Variants in NEK1 observed in about 807,000 individuals in gnomAD.
NEK1 encodes NIMA related kinase 1.
A neutral mutation model predicts 182.1 loss-of-function variants in NEK1; 137 were observed. That is an observed-to-expected ratio of 0.75 (90% CI 0.65 to 0.87). NEK1 has a LOEUF of 0.87. Among genes scored for constraint, NEK1 ranks in the 40% least tolerant of loss-of-function variants. NEK1 has a pLI of 0.00. For missense variants in NEK1, 1,391 were observed against 1,494.4 expected, an observed-to-expected ratio of 0.93 and a Z score of 1.14; for synonymous variants, 513 against 492.2, an observed-to-expected ratio of 1.04 and a Z score of -0.56.
intron 31 of NEK1, among the ~76,000 whole-genome samples, chr4:169,410,716 A>G (rs1733526450): frequency 6.6e-6 from 1 of 152,224 alleles, no homozygotes; most frequent in South Asian, 2.1e-4. Context: ...AAATCAAAAG[A>G]CATCTAAGGT....
intron 23 of NEK1, among the ~76,000 whole-genome samples, chr4:169,502,539 C>T (rs1466184941): frequency 6.6e-6 from 1 of 151,966 alleles, no homozygotes; most frequent in Non-Finnish European, 1.5e-5. Context: ...TTTGTATGAT[C>T]AAGTGAGCCT....
At chr4:169,509,596 G>A (rs985334822) in intron 19 of NEK1, among the ~76,000 whole-genome samples, 4 of 151,916 alleles carry the variant, frequency 2.6e-5, no homozygotes, top group African/African-American at 9.7e-5. Flanking sequence ...CATTATGACT[G>A]AAAATTTTCT....
intron 28 of NEK1, among the ~76,000 whole-genome samples, chr4:169,435,771 G>A (rs1310844243): frequency 6.6e-6 from 1 of 152,148 alleles, no homozygotes; most frequent in African/African-American, 2.4e-5. Flanking sequence ...GCCAGGCATG[G>A]GAGTGACGTC....
At chr4:169,565,980 A>C (rs936461123) in intron 12 of NEK1, among the ~76,000 whole-genome samples, 1 of 152,174 alleles carries the variant, frequency 6.6e-6, no homozygotes, top group African/African-American at 2.4e-5. Flanking sequence ...CAATAAAGCT[A>C]TTTTTTAGAA....
At chr4:169,396,871 T>G (rs1346482249) in intron 35 of NEK1, among the ~76,000 whole-genome samples, 2 of 152,172 alleles carry the variant, frequency 1.3e-5, no homozygotes, top group Admixed American at 6.5e-5. Context: ...AAGTACCATA[T>G]GTAGATGACA....
intron 33 of NEK1, 55 bp from the exon 34 acceptor site, chr4:169,400,706 C>A: frequency 1.6e-6 from 2 of 1,263,014 alleles, no homozygotes; most frequent in Admixed American, 2.7e-5. Context: ...ATAACTCATA[C>A]CCTAATAGAC....
intron 17 of NEK1, 40 bp downstream of exon 17, chr4:169,555,892 G>A (rs1004060796): frequency 3.1e-6 from 5 of 1,613,350 alleles, no homozygotes; most frequent in Non-Finnish European, 4.2e-6. Context: ...TACTATCTCA[G>A]AAGCAAAGCA....
intron 16 of NEK1, 52 bp from the exon 17 acceptor site, chr4:169,556,147 GC>G: frequency 6.6e-7 from 1 of 1,512,564 alleles, no homozygotes; most frequent in Non-Finnish European, 8.9e-7. Flanking sequence ...GGCCTAACAG[GC>G]CTGTACTAGT....
chr4:169,400,786 G>T, intron 33 of NEK1, 135 bp from the exon 34 acceptor site: 1 of 603,430 alleles, frequency 1.7e-6, no homozygotes, highest in East Asian at 3.2e-5. Flanking sequence ...AACAGTTTTT[G>T]TCATTTTAAT....
intron 5 of NEK1, among the ~76,000 whole-genome samples, chr4:169,591,517 T>C (rs1455265083): frequency 6.6e-6 from 1 of 151,916 alleles, no homozygotes; most frequent in Non-Finnish European, 1.5e-5. Context: ...AGGAAAAAAA[T>C]CAAGCTGGAA....
chr4:169,552,739 G>A (rs1483897791), intron 18 of NEK1, among the ~76,000 whole-genome samples: 2 of 152,058 alleles, frequency 1.3e-5, no homozygotes, highest in Admixed American at 6.5e-5. Context: ...TGATAGCAAA[G>A]TTGCAGGATA....
chr4:169,445,661 G>A (rs1335417656), intron 27 of NEK1, among the ~76,000 whole-genome samples: 1 of 151,358 alleles, frequency 6.6e-6, no homozygotes, highest in Non-Finnish European at 1.5e-5. Flanking sequence ...ATAAGATGAT[G>A]AGGACTCCAA....
chr4:169,565,072 G>A (rs1041549849), intron 12 of NEK1, among the ~76,000 whole-genome samples: 4 of 152,050 alleles, frequency 2.6e-5, no homozygotes, highest in East Asian at 3.9e-4. Flanking sequence ...CTCTAATTTT[G>A]GCTAGTTATT....
chr4:169,581,571 C>T (rs562452253), intron 10 of NEK1, among the ~76,000 whole-genome samples: 2 of 152,280 alleles, frequency 1.3e-5, no homozygotes, highest in African/African-American at 2.4e-5. Context: ...AGGTATGTGC[C>T]ACCGTGCCCA....
At chr4:169,609,516 GAAT>G (rs1267450267) in intron 2 of NEK1, among the ~76,000 whole-genome samples, 3 of 152,020 alleles carry the variant, frequency 2.0e-5, no homozygotes, top group Admixed American at 6.6e-5. Context: ...TTAGGGATCA[GAAT>G]AATAAATATG....
At chr4:169,548,579 C>T (rs1280839659) in intron 18 of NEK1, among the ~76,000 whole-genome samples, 1 of 152,230 alleles carries the variant, frequency 6.6e-6, no homozygotes, top group Non-Finnish European at 1.5e-5. Flanking sequence ...CTGCCCCTTC[C>T]CCCAGGTGCT....
At chr4:169,458,530 C>T (rs868307603) in intron 27 of NEK1, among the ~76,000 whole-genome samples, 1 of 152,046 alleles carries the variant, frequency 6.6e-6, no homozygotes, top group Non-Finnish European at 1.5e-5. Context: ...AAGTTTGAGA[C>T]CAGCCTAAGC....
intron 18 of NEK1, among the ~76,000 whole-genome samples, chr4:169,542,801 T>A (rs1020045164): frequency 6.6e-6 from 1 of 152,188 alleles, no homozygotes; most frequent in Non-Finnish European, 1.5e-5. Flanking sequence ...TGTCTTCTTT[T>A]GAGAAGTGTC....
intron 4 of NEK1, among the ~76,000 whole-genome samples, chr4:169,600,687 T>C (rs1160913002): frequency 6.6e-6 from 1 of 152,148 alleles, no homozygotes; most frequent in Non-Finnish European, 1.5e-5. Flanking sequence ...TGAGAAATTA[T>C]AATGTGAAAA....
Sources: allele counts gnomAD v4.1 joint callset (sites outside exome capture counted in the v4.1 genomes callset), GRCh38; gene constraint gnomAD v4.1.1; transcripts MANE v1.5; gene names NCBI Gene and HGNC (gene_info 2026-07-23, HGNC 2026-07-21).